Variants in NLGN4X observed in about 807,000 individuals in gnomAD.
NLGN4X encodes the protein neuroligin-4, X-linked.
A neutral mutation model predicts 40.3 loss-of-function variants in NLGN4X; 3 were observed. The ratio of observed to expected loss-of-function variants is 0.07; its 90% CI spans 0.03 to 0.19. The LOEUF is 0.19. Ranked by LOEUF, NLGN4X falls within the 10% of genes least tolerant of loss-of-function variation. NLGN4X has a pLI of 1.00. For missense variants in NLGN4X, 382 were observed against 708.3 expected, an observed-to-expected ratio of 0.54 and a Z score of 5.23; for synonymous variants, 270 against 306.8, an observed-to-expected ratio of 0.88 and a Z score of 1.25.
At chrX:6,094,131 A>C (rs948732385) in intron 2 of NLGN4X, among the ~76,000 whole-genome samples, 2 of 111,456 alleles carry the variant, frequency 1.8e-5, no homozygotes, top group Admixed American at 1.9e-4. Flanking sequence ...TTAACACTTA[A>C]TAGACAAATA....
chrX:6,090,963 A>T (rs763772886), intron 2 of NLGN4X, among the ~76,000 whole-genome samples: 20 of 106,819 alleles, frequency 1.9e-4, no homozygotes, highest in Non-Finnish European at 3.3e-4. Flanking sequence ...AAAAAGAGAG[A>T]GGAAGAAAAA....
intron 2 of NLGN4X, among the ~76,000 whole-genome samples, chrX:6,054,341 C>T (rs1882411): frequency 0.45 from 49,466 of 110,268 alleles, 7,978 homozygotes; most frequent in Middle Eastern, 0.64. Context: ...CCAAATGGCT[C>T]GGCACTATCA....
chrX:6,128,639 T>C (rs866847591), intron 2 of NLGN4X, among the ~76,000 whole-genome samples: 11 of 111,077 alleles, frequency 9.9e-5, no homozygotes, highest in South Asian at 3.8e-4. Flanking sequence ...GACATAAATA[T>C]GGGAACACTC....
chrX:5,912,720 A>G lies in NLGN4X; in HGVS notation c.626-3481T>C, dbSNP rs541191793. Among the ~76,000 whole-genome samples, 3 of 106,798 alleles carry G rather than the reference A, an allele frequency of 2.8e-5. No homozygotes were observed. In the South Asian group the frequency reaches 1.3e-3, roughly 47 times the overall value. The allele number at this position is 106,798 out of a possible 115,157, so 92.7% of individuals were successfully genotyped here. A position where few individuals can be genotyped will look rare whatever the true frequency, so the allele number is the denominator to read the frequency against. On this transcript the variant is annotated intron_variant, in intron 3 of 5. Coordinates refer to ENST00000381095, the MANE Select transcript of NLGN4X (RefSeq NM_181332.3). ...TGATCTGTGAAAATTAGATCTCACT[A>G]TCAATCTGTCTTCTTCTTTATTCAT...
At chrX:6,189,674 C>A (rs1259792320) in intron 1 of NLGN4X, among the ~76,000 whole-genome samples, 1 of 111,316 alleles carries the variant, frequency 9.0e-6, no homozygotes, top group Admixed American at 9.6e-5. Context: ...TGATGCCAGA[C>A]CTGTTACTAC....
chrX:6,028,228 T>C (rs2036760438), intron 3 of NLGN4X, among the ~76,000 whole-genome samples: 1 of 112,112 alleles, frequency 8.9e-6, no homozygotes, highest in Non-Finnish European at 1.9e-5. Context: ...TTTTAATGCA[T>C]TTTTGCCTGG....
chrX:6,063,742 A>C (rs923483316), intron 2 of NLGN4X, among the ~76,000 whole-genome samples: 3 of 112,431 alleles, frequency 2.7e-5, no homozygotes, highest in Non-Finnish European at 5.6e-5. Flanking sequence ...TTACAGTTGA[A>C]TGCTTAAAAA....
chrX:5,924,547 C>T (rs768663805), intron 3 of NLGN4X, among the ~76,000 whole-genome samples: 22 of 111,610 alleles, frequency 2.0e-4, no homozygotes, highest in Admixed American at 1.8e-3. Context: ...GGCTTATGTT[C>T]GTGGCCAAAC....
At position 5,948,313 on chromosome X, in the gene NLGN4X, G is replaced by T. The variant is rs192721323; in HGVS notation, c.626-39074C>A. 2.6e-3 allele frequency among the ~76,000 whole-genome samples: 294 copies of T among 111,898 alleles called. 1 individual carries two copies. The highest frequency in any genetic ancestry group is 4.9e-3 in the Non-Finnish European group (261 of 53,123). On this transcript the variant is annotated intron_variant, in intron 3 of 5. Transcript: ENST00000381095. ...AATTTACATTTAAGTGTAACCAAAA[G>T]AAATTTTAAAAGAATATATTTCTGT...
chrX:6,110,765 G>C (rs1221563715), intron 2 of NLGN4X, among the ~76,000 whole-genome samples: 2 of 111,839 alleles, frequency 1.8e-5, no homozygotes, highest in Non-Finnish European at 3.8e-5. Context: ...TGAGACTCTG[G>C]CTAACAAATT....
intron 1 of NLGN4X, among the ~76,000 whole-genome samples, chrX:6,158,325 C>T (rs1433270667): frequency 9.0e-6 from 1 of 111,583 alleles, no homozygotes; most frequent in East Asian, 2.8e-4. Context: ...CAAACTGCTT[C>T]CATGCTTTTG....
chrX:5,995,288 G>C (rs770943919), intron 3 of NLGN4X, among the ~76,000 whole-genome samples: 1 of 112,501 alleles, frequency 8.9e-6, no homozygotes, highest in Admixed American at 9.4e-5. Flanking sequence ...AAGAGCACAG[G>C]AACAGACAGA....
chrX:6,061,295 AG>A (rs1482102408), intron 2 of NLGN4X, among the ~76,000 whole-genome samples: 1 of 110,891 alleles, frequency 9.0e-6, no homozygotes, highest in Non-Finnish European at 1.9e-5. Context: ...CTGCCATTTT[AG>A]GGATATTTGT....
intron 2 of NLGN4X, among the ~76,000 whole-genome samples, chrX:6,063,047 C>A (rs1208554396): frequency 9.0e-6 from 1 of 111,143 alleles, no homozygotes; most frequent in East Asian, 2.8e-4. Flanking sequence ...TATTTCAATT[C>A]TCTACTCCCA....
intron 2 of NLGN4X, among the ~76,000 whole-genome samples, chrX:6,088,881 T>G (rs1472401703): frequency 8.9e-6 from 1 of 112,069 alleles, no homozygotes; most frequent in Non-Finnish European, 1.9e-5. Flanking sequence ...TCCCTGAGGT[T>G]AAAGACTTGG....
chrX:5,927,639 C>T (rs1353715883), intron 3 of NLGN4X, among the ~76,000 whole-genome samples: 1 of 112,205 alleles, frequency 8.9e-6, no homozygotes, highest in African/African-American at 3.2e-5. Context: ...ATTCCCCATG[C>T]ATCTGCACAG....
chrX:5,903,936 T>C, intron 4 of NLGN4X, 70 bp from the exon 5 acceptor site: 1 of 1,147,798 alleles, frequency 8.7e-7, no homozygotes. Flanking sequence ...TACTGAGCAA[T>C]GAAGGCTGTG....
chrX:6,038,545 C>A (rs1452228758), intron 2 of NLGN4X, among the ~76,000 whole-genome samples: 1 of 113,101 alleles, frequency 8.8e-6, no homozygotes, highest in African/African-American at 3.2e-5. Flanking sequence ...AATGTATATG[C>A]ACCTTGAAAA....
chrX:5,904,224 C>T (rs771159263), intron 4 of NLGN4X, among the ~76,000 whole-genome samples: 9 of 111,131 alleles, frequency 8.1e-5, no homozygotes, highest in East Asian at 2.8e-4. Flanking sequence ...ATAAAAACTC[C>T]AAGAGCAACT....
Sources: gnomAD v4.1 joint callset for allele counts (sites outside exome capture counted in the v4.1 genomes callset) on GRCh38, gnomAD v4.1.1 for gene constraint, MANE v1.5 for transcripts, NCBI Gene and HGNC (gene_info 2026-07-23, HGNC 2026-07-21) for gene names.